NEXN: variants seen among roughly 807,000 people sequenced by gnomAD.
NEXN encodes nexilin F-actin binding protein, also known as nexilin.
NEXN carries 65 observed loss-of-function variants against 92.6 expected under a neutral mutation model. The observed-to-expected ratio is 0.70, with a 90% CI of 0.57 to 0.86. The LOEUF is 0.86. NEXN is among the 40% of genes least tolerant of loss of function. The probability of loss-of-function intolerance (pLI) is 0.00; values close to 1 mark genes in which losing one functional copy is unlikely to be tolerated. For missense variants in NEXN, 778 were observed against 771.1 expected, an observed-to-expected ratio of 1.01 and a Z score of -0.11; for synonymous variants, 254 against 242.5, an observed-to-expected ratio of 1.05 and a Z score of -0.44.
chr1:77,929,232 G>C (rs1420256910), intron 8 of NEXN, 84 bp from the exon 9 acceptor site: 9 of 969,036 alleles, frequency 9.3e-6, no homozygotes, highest in African/African-American at 3.2e-5. Flanking sequence ...TGTGATAGTG[G>C]CTAATTCTGT....
intron 1 of NEXN, among the ~76,000 whole-genome samples, chr1:77,902,224 T>C (rs1469207826): frequency 6.6e-6 from 1 of 152,202 alleles, no homozygotes; most frequent in African/African-American, 2.4e-5. Context: ...ACCTAGTTTA[T>C]GGTACACAAT....
chr1:77,942,421 T>C (rs549684433), intron 12 of NEXN, 40 bp from the exon 13 acceptor site: 5 of 1,598,672 alleles, frequency 3.1e-6, no homozygotes, highest in African/African-American at 2.7e-5. Context: ...GCCCTGAAAA[T>C]ACTATAAATG....
chr1:77,927,588 CTGTG>C lies in NEXN; in HGVS notation c.864+706_864+709del, dbSNP rs1183971485. Among the ~76,000 whole-genome samples, 6 of 144,684 alleles carry C rather than the reference CTGTG, an allele frequency of 4.1e-5. No individual in the cohort carries two copies. The South Asian group carries it at 6.9e-4, about 17-fold the overall frequency. 94.9% of individuals were successfully genotyped at this position (144,684 alleles called of 152,430 possible). A position where few individuals can be genotyped will look rare whatever the true frequency, so the allele number is the denominator to read the frequency against. ...TGTGTGCATATTTGTGTGCATGCCTCTGTGTGTGTGTGTCTGTGTGTGTGTGTGT... is the reference window on the plus strand; with the variant it reads ...TGTGTGCATATTTGTGTGCATGCCTCTGTGTGTGTCTGTGTGTGTGTGTGT... On this transcript the variant is annotated intron_variant, in intron 8 of 12. Transcript: ENST00000334785.
At position 77,928,901 on chromosome 1, in the gene NEXN, C is replaced by A. The variant is rs577602920; in HGVS notation, c.865-415C>A. Among the ~76,000 whole-genome samples the A allele has an allele frequency of 5.9e-5, 9 of 152,252 alleles. No homozygotes were observed. The South Asian group carries it at 1.9e-3, about 32-fold the overall frequency. On this transcript the variant is annotated intron_variant, in intron 8 of 12. Coordinates refer to ENST00000334785, the MANE Select transcript of NEXN (RefSeq NM_144573.4). ...AGCTGGGACTACAGGCACACACCAC[C>A]ACACTGGCTATAATGTGTTTTTTGG...
At chr1:77,910,552 A>T (rs1648481255) in intron 1 of NEXN, among the ~76,000 whole-genome samples, 1 of 152,136 alleles carries the variant, frequency 6.6e-6, no homozygotes, top group African/African-American at 2.4e-5. Context: ...GGACTTCGAG[A>T]TCAGCCTGGC....
chr1:77,936,199 T>C (rs1489256263), intron 11 of NEXN, among the ~76,000 whole-genome samples, 155 bp downstream of exon 11: 1 of 152,144 alleles, frequency 6.6e-6, no homozygotes, highest in Admixed American at 6.5e-5. Context: ...ATGTAGATCT[T>C]AGACTTTGAA....
chr1:77,926,450 G>A lies in NEXN; in HGVS notation c.526G>A (p.Val176Ile). ...TTCACTACTTATAACTGTGGTACCT[G>A]TCAAATCATATAAAACATCTGGAAA... ...DDSLLITVVP[V>I]KSYKTSGKMK... Residue 176 changes from valine to isoleucine, a missense_variant, in exon 7 of 13, where the codon GTC (valine) becomes ATC (isoleucine). By Grantham distance (29) the Val-to-Ile change is conservative. Transcript: ENST00000334785. 6.2e-7 allele frequency: 1 copy of A among 1,607,108 alleles called. No homozygotes were observed. Among genetic ancestry groups the A allele is most frequent in the South Asian group, 1.1e-5 (1 of 89,802 alleles).
intron 6 of NEXN, among the ~76,000 whole-genome samples, chr1:77,925,902 T>C (rs1649802915): frequency 6.6e-6 from 1 of 151,970 alleles, no homozygotes; most frequent in South Asian, 2.1e-4. Context: ...TACAATCAAA[T>C]ACCAGAGAGT....
chr1:77,923,234 A>G (rs923180549), intron 5 of NEXN, among the ~76,000 whole-genome samples: 1 of 150,238 alleles, frequency 6.7e-6, no homozygotes, highest in Admixed American at 6.6e-5. Context: ...CCTGGGCTCA[A>G]TCGGCCTGCC....
Position 77,929,401 on chromosome 1 carries a change from T to C in NEXN, c.950T>C (p.Met317Thr). ...AAACTCAAACTCAGTTTTGAAGAAA[T>C]GGAAAGGCAAAGAAGAGAAGATGAA... ...PGKLKLSFEE[M>T]ERQRREDEKR... Residue 317 changes from methionine (M) to threonine (T), a missense_variant, in exon 9 of 13, where the codon ATG becomes ACG. Coordinates refer to ENST00000334785, the MANE Select transcript of NEXN (RefSeq NM_144573.4). 1 of 1,612,312 alleles carries C rather than the reference T, an allele frequency of 6.2e-7. No homozygotes were observed. The highest frequency in any genetic ancestry group is 8.5e-7 in the Non-Finnish European group (1 of 1,179,598).
chr1:77,941,885 C>G, intron 11 of NEXN, 138 bp from the exon 12 acceptor site: 1 of 765,012 alleles, frequency 1.3e-6, no homozygotes, highest in Non-Finnish European at 2.2e-6. Flanking sequence ...TAGAAAAAAT[C>G]TGAGTGTCTG....
intron 11 of NEXN, among the ~76,000 whole-genome samples, chr1:77,940,866 C>T (rs1651242957): frequency 6.6e-6 from 1 of 152,150 alleles, no homozygotes; most frequent in Non-Finnish European, 1.5e-5. Flanking sequence ...TTATATTTAT[C>T]AACTGAAGGT....
chr1:77,928,562 T>C (rs1650047204), intron 8 of NEXN, among the ~76,000 whole-genome samples: 1 of 152,008 alleles, frequency 6.6e-6, no homozygotes, highest in Non-Finnish European at 1.5e-5. Context: ...GATATTATAG[T>C]AAATTTAATA....
At chr1:77,896,567 C>G (rs2102035663) in intron 1 of NEXN, among the ~76,000 whole-genome samples, 1 of 152,202 alleles carries the variant, frequency 6.6e-6, no homozygotes, top group African/African-American at 2.4e-5. Flanking sequence ...CAAGGCCAGC[C>G]TGGCCAATAT....
chr1:77,890,556 A>C lies in NEXN; in HGVS notation c.-53+1797A>C, dbSNP rs561941021. The stretch of plus-strand genomic sequence containing the variant: ...GAATGCATTATCTAGGTTTTTGAAC[A>C]GTCTTTTTCCCCTGAAATTTCACTT... On this transcript the variant is annotated intron_variant, in intron 1 of 12. Coordinates refer to ENST00000334785, the MANE Select transcript of NEXN (RefSeq NM_144573.4). Among the ~76,000 whole-genome samples, 3 of 152,310 alleles carry C rather than the reference A, an allele frequency of 2.0e-5. No individual in the cohort carries two copies. The East Asian group carries it at 5.8e-4, about 29-fold the overall frequency.
At chr1:77,933,946 A>G (rs1004232993) in intron 10 of NEXN, among the ~76,000 whole-genome samples, 3 of 150,882 alleles carry the variant, frequency 2.0e-5, no homozygotes, top group Non-Finnish European at 4.4e-5. Flanking sequence ...AGTGATCCTC[A>G]TGTCTCAGCC....
At chr1:77,919,645 G>T (rs1649262215) in intron 5 of NEXN, among the ~76,000 whole-genome samples, 1 of 146,432 alleles carries the variant, frequency 6.8e-6, no homozygotes, top group South Asian at 2.2e-4. Flanking sequence ...GTGCAATGGC[G>T]CAGTCCTGGC....
intron 1 of NEXN, among the ~76,000 whole-genome samples, chr1:77,901,486 C>T (rs1571077878): frequency 6.6e-6 from 1 of 152,054 alleles, no homozygotes; most frequent in Non-Finnish European, 1.5e-5. Context: ...TCTATTATAA[C>T]CAAACTCTTA....
chr1:77,918,581 G>A (rs889090630), intron 5 of NEXN, among the ~76,000 whole-genome samples: 2 of 151,498 alleles, frequency 1.3e-5, no homozygotes, highest in South Asian at 2.1e-4. Context: ...TAGGAGGTTC[G>A]CTTGAGCCTG....
Sources: allele counts gnomAD v4.1 joint callset (sites outside exome capture counted in the v4.1 genomes callset), GRCh38; gene constraint gnomAD v4.1.1; transcripts MANE v1.5; gene names NCBI Gene and HGNC (gene_info 2026-07-23, HGNC 2026-07-21).